Variants in EEPD1 observed in about 807,000 individuals in gnomAD.
EEPD1 encodes endonuclease/exonuclease/phosphatase family domain-containing protein 1.
In EEPD1, 17 loss-of-function variants were observed where a neutral mutation model predicts 46.3. The observed-to-expected ratio is 0.37, with a 90% CI of 0.25 to 0.55. EEPD1 has a LOEUF of 0.55. Ranked by LOEUF, EEPD1 falls within the 20% of genes least tolerant of loss-of-function variation. The probability of loss-of-function intolerance (pLI) is 0.83; values close to 1 mark genes in which losing one functional copy is unlikely to be tolerated. For missense variants in EEPD1, 673 were observed against 745.6 expected (o/e 0.90, Z 1.13); for synonymous variants, 313 against 315.6 (o/e 0.99, Z 0.09).
intron 3 of EEPD1, among the ~76,000 whole-genome samples, chr7:36,275,756 G>T (rs539318894): frequency 3.3e-5 from 5 of 152,068 alleles, no homozygotes; most frequent in African/African-American, 1.2e-4. Flanking sequence ...CACTGCGCCC[G>T]AACCACCTTT....
At chr7:36,237,440 A>G (rs1786473575) in intron 2 of EEPD1, among the ~76,000 whole-genome samples, 1 of 152,176 alleles carries the variant, frequency 6.6e-6, no homozygotes. Context: ...TTGGCCCTCT[A>G]GAACTTTTTC....
intron 2 of EEPD1, among the ~76,000 whole-genome samples, chr7:36,173,539 T>C (rs1189950137): frequency 6.6e-6 from 1 of 151,428 alleles, no homozygotes; most frequent in Admixed American, 6.6e-5. Context: ...ACCCCCAGCT[T>C]CTCTTCTGCT....
At chr7:36,179,359 A>G (rs536565036) in intron 2 of EEPD1, among the ~76,000 whole-genome samples, 2 of 152,128 alleles carry the variant, frequency 1.3e-5, no homozygotes, top group Non-Finnish European at 2.9e-5. Context: ...ATCAATAAGT[A>G]ATATATATAT....
chr7:36,290,423 C>G (rs548206468), intron 6 of EEPD1, among the ~76,000 whole-genome samples: 1 of 150,712 alleles, frequency 6.6e-6, no homozygotes, highest in African/African-American at 2.4e-5. Flanking sequence ...CACTCCAGAC[C>G]CAGGGGTTCA....
chr7:36,240,830 G>C (rs977059317), intron 3 of EEPD1, among the ~76,000 whole-genome samples: 8 of 152,182 alleles, frequency 5.3e-5, no homozygotes, highest in Non-Finnish European at 4.4e-5. Flanking sequence ...GGATGAAACT[G>C]TTCCACCTCA....
At chr7:36,202,703 T>C (rs1301193120) in intron 2 of EEPD1, among the ~76,000 whole-genome samples, 1 of 152,222 alleles carries the variant, frequency 6.6e-6, no homozygotes, top group Non-Finnish European at 1.5e-5. Context: ...ATGTGCTTTA[T>C]GTTTCTCGTT....
intron 2 of EEPD1, chr7:36,229,382 G>A (rs1000615104): frequency 1.3e-5 from 2 of 152,188 alleles, no homozygotes; most frequent in African/African-American, 4.8e-5. Context: ...TGGGGAGGGA[G>A]GGAAGGCATG....
At chr7:36,297,960 GTTGCAGGGCCTGGCTTTTA>G (rs1446311711) in intron 7 of EEPD1, among the ~76,000 whole-genome samples, 1 of 152,214 alleles carries the variant, frequency 6.6e-6, no homozygotes, top group Non-Finnish European at 1.5e-5. Context: ...AAAAATAAAA[GTTGCAGGGCCTGGCTTTTA>G]TTGCGAGAGA....
intron 2 of EEPD1, among the ~76,000 whole-genome samples, chr7:36,211,941 AT>A (rs1318478779): frequency 4.7e-5 from 7 of 150,364 alleles, no homozygotes; most frequent in Admixed American, 3.3e-4. Context: ...AAAAAAAAAA[AT>A]TAACTTTTGT....
intron 3 of EEPD1, among the ~76,000 whole-genome samples, chr7:36,271,317 T>C (rs1168126600): frequency 6.6e-6 from 1 of 152,136 alleles, no homozygotes; most frequent in African/African-American, 2.4e-5. Context: ...TGGCATGAGA[T>C]GGTATCTCAT....
chr7:36,192,261 A>G (rs568354832), intron 2 of EEPD1, among the ~76,000 whole-genome samples: 1 of 152,356 alleles, frequency 6.6e-6, no homozygotes, highest in East Asian at 1.9e-4. Context: ...AAACACACAA[A>G]CCACAAATTA....
chr7:36,236,966 C>G (rs1020778706), intron 2 of EEPD1, among the ~76,000 whole-genome samples: 1 of 152,246 alleles, frequency 6.6e-6, no homozygotes, highest in Non-Finnish European at 1.5e-5. Context: ...AAGCTTCGTT[C>G]TTTTGCTCTT....
chr7:36,199,255 A>G (rs969305197), intron 2 of EEPD1, among the ~76,000 whole-genome samples: 4 of 152,136 alleles, frequency 2.6e-5, no homozygotes, highest in Non-Finnish European at 4.4e-5. Flanking sequence ...TCCTTTGGGT[A>G]TCAGGAAACT....
At chr7:36,175,058 G>T (rs933338030) in intron 2 of EEPD1, among the ~76,000 whole-genome samples, 4 of 152,162 alleles carry the variant, frequency 2.6e-5, no homozygotes, top group African/African-American at 9.7e-5. Context: ...TACAAGGTTT[G>T]CCTTATTTGA....
rs150400190 is a variant in EEPD1 at position 36,208,053 on chromosome 7, A to G, written c.879-30932A>G. On this transcript the variant is annotated intron_variant, in intron 2 of 7. Coordinates refer to ENST00000242108, the MANE Select transcript of EEPD1 (RefSeq NM_030636.3). ...TCTGTACTCAGCAGTTTTTATTTTTATCTCATCAGCGTGTTCCTCCTTTTG... is the reference window on the plus strand; with the variant it reads ...TCTGTACTCAGCAGTTTTTATTTTTGTCTCATCAGCGTGTTCCTCCTTTTG... Among the ~76,000 whole-genome samples, 7 of 152,176 alleles carry G rather than the reference A, an allele frequency of 4.6e-5. No individual in the cohort carries two copies. In the East Asian group the frequency reaches 1.2e-3, roughly 25 times the overall value.
At chr7:36,195,790 G>T (rs1471579406) in intron 2 of EEPD1, among the ~76,000 whole-genome samples, 1 of 152,086 alleles carries the variant, frequency 6.6e-6, no homozygotes, top group East Asian at 1.9e-4. Flanking sequence ...TGTGAGATGT[G>T]CATATTAATT....
chr7:36,251,420 C>G (rs1268894367), intron 3 of EEPD1, among the ~76,000 whole-genome samples: 1 of 152,212 alleles, frequency 6.6e-6, no homozygotes, highest in Non-Finnish European at 1.5e-5. Context: ...AAGCAATTCT[C>G]CTGCCTCAGC....
At chr7:36,162,879 C>T (rs1281280278) in intron 2 of EEPD1, among the ~76,000 whole-genome samples, 1 of 152,162 alleles carries the variant, frequency 6.6e-6, no homozygotes, top group Non-Finnish European at 1.5e-5. Flanking sequence ...GTTCCCATTG[C>T]CACATTTAAG....
At chr7:36,194,664 G>T (rs929665808) in intron 2 of EEPD1, among the ~76,000 whole-genome samples, 6 of 152,184 alleles carry the variant, frequency 3.9e-5, no homozygotes, top group South Asian at 4.1e-4. Context: ...AACCTAGGAG[G>T]AGTCCCAGGC....
Sources: gnomAD v4.1 joint callset for allele counts (sites outside exome capture counted in the v4.1 genomes callset) on GRCh38, gnomAD v4.1.1 for gene constraint, MANE v1.5 for transcripts, NCBI Gene and HGNC (gene_info 2026-07-23, HGNC 2026-07-21) for gene names.